The following HDAC2 variants were observed in gnomAD, a reference collection of about 807,000 sequenced individuals.
HDAC2 encodes histone deacetylase 2.
Under a neutral mutation model 68.5 loss-of-function variants are expected in HDAC2, and 5 were observed. That is an observed-to-expected ratio of 0.07 (90% CI 0.04 to 0.15). The LOEUF is 0.15. Among genes scored for constraint, HDAC2 ranks in the 10% least tolerant of loss-of-function variants. The pLI is 1.00. For missense variants in HDAC2, 291 were observed against 600.8 expected (o/e 0.48, Z 5.39); for synonymous variants, 182 against 191.3 (o/e 0.95, Z 0.40).
At chr6:113,963,312 G>C (rs1001263169) in intron 1 of HDAC2, among the ~76,000 whole-genome samples, 3 of 152,036 alleles carry the variant, frequency 2.0e-5, no homozygotes, top group African/African-American at 7.2e-5. Context: ...TCAAACTCCT[G>C]ACCTCAGATG....
At position 113,941,737 on chromosome 6, in the gene HDAC2, G is replaced by A. The variant is rs776626624; in HGVS notation, c.1407C>T (p.Asp469=). The A allele has an allele frequency of 1.7e-5, 24 of 1,452,942 alleles. No homozygotes were observed. The highest frequency in any genetic ancestry group is 2.0e-5 in the Non-Finnish European group (21 of 1,064,502). The allele number at this position is 1,452,942 out of a possible 1,614,324, so 90.0% of individuals were successfully genotyped here. A position where few individuals can be genotyped will look rare whatever the true frequency, so the allele number is the denominator to read the frequency against. Residue 469 remains aspartate (D), a synonymous_variant, in exon 13 of 14, where the codon GAC becomes GAT. Transcript: ENST00000519065. ...TGGTATCTGTTTTTTCACCACTGTT[G>A]TCCTTGGATTTATCTTCTTCCTTAA... The part of the protein sequence containing the change: ...TDVKEEDKSK[D]NSGEKTDTKG...
At chr6:113,968,749 T>C (rs13201727) in intron 1 of HDAC2, 34,021 of 152,204 alleles carry the variant, frequency 0.22, 3,992 homozygotes, top group East Asian at 0.3. Context: ...ATTTCCACCC[T>C]ACTTATCAAG....
rs1480246124 is a variant in HDAC2, at chr6:113,958,789, G to C, written c.166-23C>G. On this transcript the variant is annotated intron_variant, in intron 2 of 13. Coordinates refer to ENST00000519065, the MANE Select transcript of HDAC2 (RefSeq NM_001527.4). ...CCTCTGTGAAGAGAAATAAATGTCAGAACTGTGGAATTACAACCGGTTATA... is the reference window on the plus strand; with the variant it reads ...CCTCTGTGAAGAGAAATAAATGTCACAACTGTGGAATTACAACCGGTTATA... 2.3e-6 allele frequency: 3 copies of C among 1,312,778 alleles called. No individual in the cohort carries two copies. In the African/African-American group the frequency reaches 4.4e-5, roughly 19 times the overall value. 81.3% of individuals were successfully genotyped at this position (1,312,778 alleles called of 1,614,324 possible). A position where few individuals can be genotyped will look rare whatever the true frequency, so the allele number is the denominator to read the frequency against.
rs1432068145 is a variant in HDAC2, at chr6:113,934,239, A to G, written c.*6819T>C. The G allele has an allele frequency of 6.6e-6, 1 of 152,204 alleles. No individual in the cohort carries two copies. Among genetic ancestry groups the G allele is most frequent in the African/African-American group, 2.4e-5 (1 of 41,448 alleles). The allele number at this position is 152,204 out of a possible 1,614,324, so 9.4% of individuals were successfully genotyped here. A position where few individuals can be genotyped will look rare whatever the true frequency, so the allele number is the denominator to read the frequency against. On this transcript the variant is annotated 3_prime_UTR_variant, in exon 14 of 14. Coordinates refer to ENST00000519065, the MANE Select transcript of HDAC2 (RefSeq NM_001527.4). ...ATGCCAACTATCTGGGTTAATGACT[A>G]TCTGGGTTGATACGCATCTCAAGGC...
intron 1 of HDAC2, chr6:113,970,004 T>C (rs1239527022): frequency 6.6e-6 from 1 of 152,064 alleles, no homozygotes; most frequent in Non-Finnish European, 1.5e-5. Context: ...TGGAGTCTGA[T>C]CTACAACACA....
At chr6:113,943,626 T>C (rs1776196187) in intron 11 of HDAC2, 120 bp from the exon 12 acceptor site, 3 of 581,912 alleles carry the variant, frequency 5.2e-6, no homozygotes, top group Non-Finnish European at 8.1e-6. Flanking sequence ...AAGGGTAACA[T>C]GCCTAATGAT....
intron 8 of HDAC2, chr6:113,947,453 T>A (rs139148457): frequency 2.0e-5 from 3 of 152,280 alleles, no homozygotes; most frequent in Non-Finnish European, 4.4e-5. Context: ...ATTACAAATA[T>A]CCTTACACGC....
In HDAC2 at chr6:113,958,651, C is replaced by G; in HGVS notation, c.281G>C (p.Arg94Thr). ...NMSEYSKQMQ[R>T]FNVGEDCPVF... ...CTACTTTTTACTTAGAAACGTACAT[C>G]TCTGCATCTGCTTACTATACTCAGA... The change falls in exon 3 of 14, where the codon AGA becomes ACA. Residue 94 changes from arginine (R) to threonine (T), a missense_variant and splice_region_variant. By Grantham distance (71) the Arg-to-Thr change is moderately conservative. Transcript: ENST00000519065. The G allele has an allele frequency of 6.9e-7, 1 of 1,442,500 alleles. No homozygotes were observed. Among genetic ancestry groups the G allele is most frequent in the Non-Finnish European group, 9.7e-7 (1 of 1,033,896 alleles). The allele number at this position is 1,442,500 out of a possible 1,614,324, so 89.4% of individuals were successfully genotyped here.
rs1177433875 is a variant in HDAC2, at chr6:113,962,589, A to G, written c.53-2571T>C. ...TTCTCTGTTGAAATTTAGGGACCCCAGTCCCACAAAGAATACACAAAGAAC... is the reference window on the plus strand; with the variant it reads ...TTCTCTGTTGAAATTTAGGGACCCCGGTCCCACAAAGAATACACAAAGAAC... On this transcript the variant is annotated intron_variant, in intron 1 of 13. Coordinates refer to ENST00000519065, the MANE Select transcript of HDAC2 (RefSeq NM_001527.4). Among the ~76,000 whole-genome samples, 7 of 152,324 alleles carry G rather than the reference A, an allele frequency of 4.6e-5. No homozygotes were observed. In the East Asian group the frequency reaches 1.2e-3, roughly 25 times the overall value.
At chr6:113,951,248 A>T (rs564028797) in intron 6 of HDAC2, among the ~76,000 whole-genome samples, 1 of 152,318 alleles carries the variant, frequency 6.6e-6, no homozygotes, top group Admixed American at 6.5e-5. Flanking sequence ...TTCAACAATG[A>T]GCTAAACTCA....
intron 1 of HDAC2, among the ~76,000 whole-genome samples, chr6:113,964,089 C>T (rs2499618): frequency 0.31 from 47,779 of 151,936 alleles, 7,838 homozygotes; most frequent in Admixed American, 0.37. Context: ...TGAATATTCA[C>T]GGTATTCACA....
chr6:113,956,544 G>A, intron 4 of HDAC2, 75 bp downstream of exon 4: 1 of 1,018,226 alleles, frequency 9.8e-7, no homozygotes, highest in South Asian at 1.3e-5. Flanking sequence ...TAAAACTTCT[G>A]TTTTACACAA....
intron 1 of HDAC2, 130 bp from the exon 2 acceptor site, chr6:113,960,148 AGATT>A (rs372984636): frequency 1.5e-6 from 1 of 650,776 alleles, no homozygotes; most frequent in South Asian, 1.8e-5. Context: ...TTAGCAACTT[AGATT>A]TATTTTGCAA....
intron 1 of HDAC2, chr6:113,968,562 G>C (rs1776884194): frequency 6.6e-6 from 1 of 152,160 alleles, no homozygotes; most frequent in Non-Finnish European, 1.5e-5. Context: ...AATTAAAAGA[G>C]TATGTGAAAC....
chr6:113,949,458 A>G (rs1392690523), intron 6 of HDAC2, 198 bp from the exon 7 acceptor site: 1 of 572,946 alleles, frequency 1.7e-6, no homozygotes, highest in African/African-American at 1.9e-5. Flanking sequence ...CAATATTTAT[A>G]GACTGCTTGT....
At chr6:113,941,467 G>C (rs931582888) in intron 13 of HDAC2, among the ~76,000 whole-genome samples, 3 of 151,978 alleles carry the variant, frequency 2.0e-5, no homozygotes, top group African/African-American at 7.2e-5. Flanking sequence ...CAGCAAAAAA[G>C]GGTCTCAGAT....
intron 3 of HDAC2, among the ~76,000 whole-genome samples, chr6:113,958,202 G>A (rs1037414413): frequency 7.9e-5 from 12 of 152,230 alleles, no homozygotes; most frequent in Middle Eastern, 3.4e-3. Flanking sequence ...AGAACATTAC[G>A]TAGAATCAAA....
intron 6 of HDAC2, 192 bp from the exon 7 acceptor site, chr6:113,949,452 AT>A: frequency 3.5e-6 from 2 of 575,836 alleles, no homozygotes; most frequent in Non-Finnish European, 6.2e-6. Flanking sequence ...ATGCTCCAAT[AT>A]TTATAGACTG....
At position 113,958,785 on chromosome 6, in the gene HDAC2, G is replaced by A; in HGVS notation, c.166-19C>T. The A allele has an allele frequency of 2.2e-6, 3 of 1,349,592 alleles. No homozygotes were observed. The highest frequency in any genetic ancestry group is 3.2e-6 in the Non-Finnish European group (3 of 941,046). The allele number at this position is 1,349,592 out of a possible 1,614,324, so 83.6% of individuals were successfully genotyped here. On this transcript the variant is annotated intron_variant, in intron 2 of 13. Transcript: ENST00000519065. ...GGGGCCTCTGTGAAGAGAAATAAAT[G>A]TCAGAACTGTGGAATTACAACCGGT... is the stretch of plus-strand genomic sequence containing the variant.
Sources: gnomAD v4.1 joint callset for allele counts (sites outside exome capture counted in the v4.1 genomes callset) on GRCh38, gnomAD v4.1.1 for gene constraint, MANE v1.5 for transcripts, NCBI Gene and HGNC (gene_info 2026-07-23, HGNC 2026-07-21) for gene names.